Variants in GSE1 observed in about 807,000 individuals in gnomAD.
GSE1 encodes the protein genetic suppressor element 1.
A neutral mutation model predicts 112.6 loss-of-function variants in GSE1; 32 were observed. The observed-to-expected ratio is 0.28, with a 90% CI of 0.21 to 0.38. The LOEUF (loss-of-function observed/expected upper bound fraction) is 0.38, where lower values mean the gene tolerates loss of function less well. Among genes scored for constraint, GSE1 ranks in the 10% least tolerant of loss-of-function variants. The pLI is 1.00. For synonymous variants in GSE1, 1,115 were observed against 735.6 expected (o/e 1.52, Z -8.35); for missense variants, 2,348 against 1,699.2 (o/e 1.38, Z -6.71).
At chr16:85,571,812 G>A (rs1456395224) in intron 1 of GSE1, among the ~76,000 whole-genome samples, 1 of 152,176 alleles carries the variant, frequency 6.6e-6, no homozygotes, top group African/African-American at 2.4e-5. Context: ...CAGGCCCAGG[G>A]AGGAGCTGGC....
intron 2 of GSE1, among the ~76,000 whole-genome samples, chr16:85,365,175 G>C (rs1453536737): frequency 6.6e-6 from 1 of 152,166 alleles, no homozygotes; most frequent in East Asian, 1.9e-4. Context: ...CTGGGGTCGG[G>C]GCTGTGTCTG....
At position 85,250,438 on chromosome 16, in the gene GSE1, A is replaced by G. The variant is rs560665288; in HGVS notation, c.2283+78631A>G. Among the ~76,000 whole-genome samples, 8 of 152,132 alleles carry G rather than the reference A, an allele frequency of 5.3e-5. No individual in the cohort carries two copies. The East Asian group carries it at 1.6e-3, about 30-fold the overall frequency. On this transcript the variant is annotated intron_variant, in intron 1 of 2. Transcript: ENST00000637419. ...CTGGGTGTTCCCAGGATGGCTGGTG[A>G]GCCCAGCTGGGGGCGGAGGCGCCAG...
At chr16:85,324,231 C>T (rs1047107115) in intron 1 of GSE1, among the ~76,000 whole-genome samples, 5 of 152,086 alleles carry the variant, frequency 3.3e-5, no homozygotes, top group East Asian at 1.9e-4. Flanking sequence ...CATCGGTGGC[C>T]GGGCACAGTG....
At chr16:85,215,923 G>A (rs930596846) in intron 1 of GSE1, among the ~76,000 whole-genome samples, 1 of 152,192 alleles carries the variant, frequency 6.6e-6, no homozygotes. Context: ...AGGGCCCTCA[G>A]TCACCTGGAG....
intron 1 of GSE1, among the ~76,000 whole-genome samples, chr16:85,578,970 G>T (rs1234183022): frequency 1.3e-5 from 2 of 152,018 alleles, no homozygotes; most frequent in Admixed American, 1.3e-4. Context: ...GTGGCATCCT[G>T]ATGCTGGCAC....
intron 1 of GSE1, among the ~76,000 whole-genome samples, chr16:85,342,081 C>T (rs2046636001): frequency 6.6e-6 from 1 of 151,990 alleles, no homozygotes; most frequent in African/African-American, 2.4e-5. Context: ...GTGGCCAGCC[C>T]TCCAGCCCAT....
At chr16:85,254,705 G>T (rs773327950) in intron 1 of GSE1, among the ~76,000 whole-genome samples, 3 of 152,206 alleles carry the variant, frequency 2.0e-5, no homozygotes, top group Non-Finnish European at 2.9e-5. Context: ...CGGCAGCACT[G>T]ATTTGAAATG....
At chr16:85,483,092 A>G (rs76630001) in intron 2 of GSE1, among the ~76,000 whole-genome samples, 6,978 of 152,286 alleles carry the variant, frequency 0.046, 258 homozygotes, top group East Asian at 0.14. Flanking sequence ...AAATTATTCA[A>G]AGTATTGTGT....
Position 85,503,119 on chromosome 16 carries a change from C to G in GSE1, c.2465-130795C>G, listed in dbSNP as rs375394893. Among the ~76,000 whole-genome samples, 1,232 of 152,278 alleles carry G rather than the reference C, an allele frequency of 8.1e-3. 21 individuals are homozygous for G. The highest frequency in any genetic ancestry group is 0.028 in the African/African-American group (1,178 of 41,554). ...AGAGGGCACGGCCAGTGCCAAGGCCCTGAGGTCTGAGCTCACCCAGACCAT... is the reference window on the plus strand; with the variant it reads ...AGAGGGCACGGCCAGTGCCAAGGCCGTGAGGTCTGAGCTCACCCAGACCAT... On this transcript the variant is annotated intron_variant, in intron 2 of 2. Transcript: ENST00000637419.
chr16:85,251,644 C>T (rs940315905), intron 1 of GSE1, among the ~76,000 whole-genome samples: 9 of 152,110 alleles, frequency 5.9e-5, no homozygotes, highest in Non-Finnish European at 1.0e-4. Context: ...CCTTGCTGGG[C>T]GGTCAGACCC....
In GSE1 at chr16:85,478,927, C is replaced by CTTT. The variant is rs1285190496; in HGVS notation, c.2464+121285_2464+121286insTTT. Among the ~76,000 whole-genome samples, 4 of 28,046 alleles carry CTTT rather than the reference C, an allele frequency of 1.4e-4. 1 individual carries two copies. The highest frequency in any genetic ancestry group is 6.1e-4 in the African/African-American group (4 of 6,516). The allele number at this position is 28,046 out of a possible 152,430, so 18.4% of individuals were successfully genotyped here. A position where few individuals can be genotyped will look rare whatever the true frequency, so the allele number is the denominator to read the frequency against. On this transcript the variant is annotated intron_variant, in intron 2 of 2. Transcript: ENST00000637419. ...TCTTTCTTTCTTTCTTTCTTTCTTT[C>CTTT]TCTTTCTTTCTTTCTTTCTTTTTTT...
chr16:85,626,744 A>T (rs1303462424), intron 1 of GSE1, among the ~76,000 whole-genome samples: 1 of 152,178 alleles, frequency 6.6e-6, no homozygotes, highest in Admixed American at 6.5e-5. Context: ...AAGAGCCGGG[A>T]TGAAAGGAAG....
chr16:85,296,952 G>A (rs900091857), intron 1 of GSE1, among the ~76,000 whole-genome samples: 19 of 152,188 alleles, frequency 1.2e-4, no homozygotes, highest in African/African-American at 3.9e-4. Context: ...GCGCTTCCCC[G>A]GCCAGTGCCC....
intron 1 of GSE1, among the ~76,000 whole-genome samples, chr16:85,249,171 T>C (rs1197929967): frequency 6.6e-6 from 1 of 152,250 alleles, no homozygotes; most frequent in Non-Finnish European, 1.5e-5. Flanking sequence ...ATGAGAGTTA[T>C]TTAAGCAGCA....
chr16:85,659,623 C>G (rs530973876), intron 8 of GSE1: 1 of 152,170 alleles, frequency 6.6e-6, no homozygotes, highest in Non-Finnish European at 1.5e-5. Flanking sequence ...TGGGATTGCT[C>G]CTGTAAATAG....
intron 2 of GSE1, among the ~76,000 whole-genome samples, chr16:85,476,078 G>A (rs556205895): frequency 2.6e-5 from 4 of 152,242 alleles, no homozygotes; most frequent in South Asian, 2.1e-4. Context: ...CGACAGTTGC[G>A]TGCCACCACG....
intron 2 of GSE1, among the ~76,000 whole-genome samples, chr16:85,471,477 G>A (rs1342481673): frequency 1.3e-5 from 2 of 152,156 alleles, no homozygotes; most frequent in Non-Finnish European, 2.9e-5. Flanking sequence ...GCAGTGGTGA[G>A]ACCATAGCTC....
rs374288506 is a variant in GSE1, at chr16:85,671,691, G to A, written c.3519+593G>A. On this transcript the variant is annotated intron_variant, in intron 15 of 15. Coordinates refer to ENST00000253458, the MANE Select transcript of GSE1 (RefSeq NM_014615.5). Reference sequence around the variant, plus strand: ...ATATCGATCCTGGAAGGGTAGGGATGCTGTTTGTAGAATGAATTATTGCCT... The same window carrying A: ...ATATCGATCCTGGAAGGGTAGGGATACTGTTTGTAGAATGAATTATTGCCT... 2.4e-3 allele frequency: 376 copies of A among 153,562 alleles called. 2 individuals carry two copies. The highest frequency in any genetic ancestry group is 8.3e-3 in the African/African-American group (347 of 41,558). 9.5% of individuals were successfully genotyped at this position (153,562 alleles called of 1,614,324 possible).
chr16:85,533,527 A>G (rs1321585546), intron 2 of GSE1, among the ~76,000 whole-genome samples: 1 of 152,118 alleles, frequency 6.6e-6, no homozygotes, highest in Admixed American at 6.5e-5. Flanking sequence ...AAATATGCAT[A>G]TGTTGGAAGA....
Sources: allele counts gnomAD v4.1 joint callset (sites outside exome capture counted in the v4.1 genomes callset), GRCh38; gene constraint gnomAD v4.1.1; transcripts MANE v1.5; gene names NCBI Gene and HGNC (gene_info 2026-07-23, HGNC 2026-07-21).